The following MSH4 variants were observed in gnomAD, a reference collection of about 807,000 sequenced individuals.
MSH4 encodes the protein mutS protein homolog 4.
A neutral mutation model predicts 113.7 loss-of-function variants in MSH4; 106 were observed. The observed-to-expected ratio is 0.93, with a 90% CI of 0.80 to 1.10. The LOEUF (loss-of-function observed/expected upper bound fraction) is 1.10, where lower values mean the gene tolerates loss of function less well. MSH4 is among the 50% of genes least tolerant of loss of function. The probability of loss-of-function intolerance (pLI) is 0.00; values close to 1 mark genes in which losing one functional copy is unlikely to be tolerated. For synonymous variants in MSH4, 368 were observed against 380.2 expected (o/e 0.97, Z 0.37); for missense variants, 1,061 against 1,093.7 (o/e 0.97, Z 0.42).
At chr1:75,885,957 G>GCATGTATAATATATATGATA (rs1557524515) in intron 15 of MSH4, among the ~76,000 whole-genome samples, 1 of 106,946 alleles carries the variant, frequency 9.4e-6, no homozygotes, top group Admixed American at 1.2e-4. Context: ...TATATATGAT[G>GCATGTATAATATATATGATA]TATTATATAG....
chr1:75,885,023 A>ATG (rs764938661), intron 15 of MSH4, among the ~76,000 whole-genome samples: 1 of 122,220 alleles, frequency 8.2e-6, no homozygotes, highest in Non-Finnish European at 1.6e-5. Flanking sequence ...GTGTGTATAT[A>ATG]TATATATGTG....
chr1:75,860,348 T>C (rs35290302), intron 8 of MSH4, among the ~76,000 whole-genome samples: 39,527 of 152,112 alleles, frequency 0.26, 6,538 homozygotes, highest in East Asian at 0.68. Context: ...ATGCAGTTTT[T>C]CCATAGCATT....
chr1:75,830,440 C>T (rs535381122), intron 7 of MSH4, among the ~76,000 whole-genome samples: 32 of 152,178 alleles, frequency 2.1e-4, no homozygotes, highest in East Asian at 5.8e-4. Flanking sequence ...ATACAGAGAA[C>T]GCCGCAAAGA....
At position 75,822,468 on chromosome 1, in the gene MSH4, G is replaced by A. The variant is rs775625959; in HGVS notation, c.1049G>A (p.Arg350Gln). The A allele has an allele frequency of 1.3e-5, 21 of 1,586,914 alleles. No individual in the cohort carries two copies. Among genetic ancestry groups the A allele is most frequent in the Non-Finnish European group, 1.6e-5 (19 of 1,168,850 alleles). Reference protein sequence around the residue: ...NYTKTPGGSRRLRSNILEPLV... With the variant: ...NYTKTPGGSRQLRSNILEPLV... ...ACTAAGACTCCTGGAGGGAGTAGAC[G>A]ACTTCGTTCTAATATATTAGAGCCT... Residue 350 changes from arginine (R) to glutamine (Q), a missense_variant, in exon 7 of 20, where the codon CGA (arginine) becomes CAA (glutamine). By Grantham distance (43) the Arg-to-Gln change is conservative (BLOSUM62 1). Transcript: ENST00000263187.
chr1:75,899,528 C>A, intron 18 of MSH4, 90 bp from the exon 19 acceptor site: 1 of 649,518 alleles, frequency 1.5e-6, no homozygotes, highest in Non-Finnish European at 2.5e-6. Flanking sequence ...AAGTTTAAAT[C>A]TGTGACTAAA....
At chr1:75,898,198 T>C (rs1311907272) in intron 18 of MSH4, 117 bp downstream of exon 18, 3 of 594,938 alleles carry the variant, frequency 5.0e-6, no homozygotes, top group Admixed American at 6.5e-5. Flanking sequence ...TTCTTTTGAG[T>C]GCTTATATTC....
chr1:75,879,903 A>C lies in MSH4; in HGVS notation c.1678-147A>C, dbSNP rs1264775301. 1.4e-5 allele frequency: 8 copies of C among 580,492 alleles called. No individual in the cohort carries two copies. In the Admixed American group the frequency reaches 2.2e-4, roughly 16 times the overall value. 36.0% of individuals were successfully genotyped at this position (580,492 alleles called of 1,614,324 possible). ...TGAAGTGATCTACCTCTTACATTTC[A>C]CAAATATTATTTAGAACTTTCTTTG... On this transcript the variant is annotated intron_variant, in intron 12 of 19. Coordinates refer to ENST00000263187, the MANE Select transcript of MSH4 (RefSeq NM_002440.4).
intron 1 of MSH4, among the ~76,000 whole-genome samples, chr1:75,802,732 A>G (rs748228987): frequency 9.2e-5 from 14 of 152,228 alleles, no homozygotes; most frequent in Non-Finnish European, 1.9e-4. Flanking sequence ...CATATGTCTT[A>G]GTCTGTATTC....
At chr1:75,830,991 T>C (rs183232671) in intron 7 of MSH4, among the ~76,000 whole-genome samples, 102 of 152,254 alleles carry the variant, frequency 6.7e-4, no homozygotes, top group African/African-American at 2.4e-3. Flanking sequence ...AGACACAGAC[T>C]GGCAAGTTGG....
intron 7 of MSH4, among the ~76,000 whole-genome samples, chr1:75,831,975 C>CA (rs767696451): frequency 4.6e-4 from 70 of 152,042 alleles, no homozygotes; most frequent in Non-Finnish European, 7.4e-4. Context: ...AAAAACCCTT[C>CA]AAAAAATCAA....
At chr1:75,859,276 G>T (rs61676733) in intron 8 of MSH4, among the ~76,000 whole-genome samples, 19,780 of 152,048 alleles carry the variant, frequency 0.13, 1,495 homozygotes, top group East Asian at 0.27. Flanking sequence ...GTTCTGCTCT[G>T]ATTTTAGTTA....
At chr1:75,855,219 G>A (rs1651290326) in intron 8 of MSH4, among the ~76,000 whole-genome samples, 1 of 152,004 alleles carries the variant, frequency 6.6e-6, no homozygotes, top group African/African-American at 2.4e-5. Flanking sequence ...TAAGTTTTTT[G>A]TAGAGATGGG....
At chr1:75,820,688 C>T (rs1299973509) in intron 6 of MSH4, among the ~76,000 whole-genome samples, 13 of 152,036 alleles carry the variant, frequency 8.6e-5, no homozygotes, top group Non-Finnish European at 1.9e-4. Context: ...TTTTTTATTG[C>T]ATCTATTTGA....
At chr1:75,836,292 C>CTT in intron 7 of MSH4, among the ~76,000 whole-genome samples, 3 of 71,130 alleles carry the variant, frequency 4.2e-5, no homozygotes, top group Non-Finnish European at 8.3e-5. Context: ...TTCTCTTTTT[C>CTT]TTTCTTTTTC....
At chr1:75,901,745 T>C (rs1469686807) in intron 19 of MSH4, among the ~76,000 whole-genome samples, 1 of 152,124 alleles carries the variant, frequency 6.6e-6, no homozygotes, top group Non-Finnish European at 1.5e-5. Context: ...CTATTTTTCA[T>C]AGTGGCAATA....
At chr1:75,852,294 A>G (rs1385238770) in intron 8 of MSH4, among the ~76,000 whole-genome samples, 1 of 152,164 alleles carries the variant, frequency 6.6e-6, no homozygotes, top group Non-Finnish European at 1.5e-5. Context: ...GTTGATGGCT[A>G]TTTAGGTTGT....
intron 6 of MSH4, among the ~76,000 whole-genome samples, chr1:75,819,662 T>C (rs981721289): frequency 1.2e-4 from 19 of 152,362 alleles, no homozygotes; most frequent in African/African-American, 4.6e-4. Context: ...TTACATGTAT[T>C]ATATGAAGTT....
chr1:75,798,319 C>A (rs1037960105), intron 1 of MSH4, among the ~76,000 whole-genome samples: 157 of 152,074 alleles, frequency 1.0e-3, no homozygotes, highest in African/African-American at 3.6e-3. Flanking sequence ...TTCCTTGATT[C>A]CACTTGCCCC....
chr1:75,818,710 A>T (rs12024645), intron 6 of MSH4, among the ~76,000 whole-genome samples: 1 of 151,822 alleles, frequency 6.6e-6, no homozygotes, highest in Admixed American at 6.6e-5. Context: ...TTCTTAATCA[A>T]CCTAACTAAA....
Sources: allele counts gnomAD v4.1 joint callset (sites outside exome capture counted in the v4.1 genomes callset), GRCh38; gene constraint gnomAD v4.1.1; transcripts MANE v1.5; gene names NCBI Gene and HGNC (gene_info 2026-07-23, HGNC 2026-07-21).